The following FRMD4A variants were observed in gnomAD, a reference collection of about 807,000 sequenced individuals.
FRMD4A encodes FERM domain-containing protein 4A.
A neutral mutation model predicts 129.1 loss-of-function variants in FRMD4A; 29 were observed. The observed-to-expected ratio is 0.22, with a 90% CI of 0.17 to 0.31. The LOEUF (loss-of-function observed/expected upper bound fraction) is 0.31. FRMD4A is among the 10% of genes least tolerant of loss of function. The pLI is 1.00. For synonymous variants in FRMD4A, 634 were observed against 571.6 expected (o/e 1.11, Z -1.56); for missense variants, 1,272 against 1,375.8 (o/e 0.92, Z 1.19).
intron 2 of FRMD4A, among the ~76,000 whole-genome samples, chr10:14,170,688 T>A (rs1034934101): frequency 2.6e-5 from 4 of 152,210 alleles, no homozygotes; most frequent in African/African-American, 9.7e-5. Flanking sequence ...TTAATTTCCA[T>A]CCACTCTCTA....
At chr10:14,170,471 G>T (rs1182072758) in intron 2 of FRMD4A, among the ~76,000 whole-genome samples, 1 of 152,074 alleles carries the variant, frequency 6.6e-6, no homozygotes, top group South Asian at 2.1e-4. Flanking sequence ...CTCGAAAAAA[G>T]TATCTGAAGT....
chr10:13,714,040 A>ATATTTTATATAAAATATATATTT (rs1554859027), intron 12 of FRMD4A, among the ~76,000 whole-genome samples: 1 of 37,116 alleles, frequency 2.7e-5, no homozygotes, highest in East Asian at 1.3e-3. Flanking sequence ...ATATATATAT[A>ATATTTTATATAAAATATATATTT]TATATATATA....
At chr10:14,136,634 T>C (rs929131596) in intron 2 of FRMD4A, among the ~76,000 whole-genome samples, 4 of 152,188 alleles carry the variant, frequency 2.6e-5, no homozygotes, top group African/African-American at 4.8e-5. Flanking sequence ...TTGTCTCTTA[T>C]CTACCTATGA....
chr10:13,717,210 A>G (rs982376451), intron 12 of FRMD4A, among the ~76,000 whole-genome samples: 2 of 152,236 alleles, frequency 1.3e-5, no homozygotes, highest in Non-Finnish European at 2.9e-5. Flanking sequence ...GGAATTAATC[A>G]ATCTGAGAAA....
intron 2 of FRMD4A, among the ~76,000 whole-genome samples, chr10:13,995,547 T>A (rs1373268619): frequency 6.6e-6 from 1 of 152,200 alleles, no homozygotes. Context: ...ATTGTGCCAC[T>A]GCACTCCAGC....
chr10:14,169,084 C>T (rs1841340371), intron 2 of FRMD4A, among the ~76,000 whole-genome samples: 2 of 147,912 alleles, frequency 1.4e-5, no homozygotes. Context: ...CATACTCAAA[C>T]CTATTTCTGG....
intron 13 of FRMD4A, among the ~76,000 whole-genome samples, chr10:13,705,165 G>A (rs1311392547): frequency 6.6e-6 from 1 of 152,124 alleles, no homozygotes; most frequent in Admixed American, 6.5e-5. Context: ...TTCCTTCCCC[G>A]CCACAGCACC....
At chr10:14,055,997 C>T (rs1237737287) in intron 2 of FRMD4A, among the ~76,000 whole-genome samples, 3 of 152,132 alleles carry the variant, frequency 2.0e-5, no homozygotes, top group Non-Finnish European at 2.9e-5. Flanking sequence ...TGCAGTGGCG[C>T]GATCTCGGCT....
At chr10:13,904,444 G>T (rs888294931) in intron 2 of FRMD4A, among the ~76,000 whole-genome samples, 2 of 152,090 alleles carry the variant, frequency 1.3e-5, no homozygotes, top group African/African-American at 4.8e-5. Context: ...TAACCCATGC[G>T]CATCTCTATG....
At chr10:13,905,727 C>T (rs1022191278) in intron 2 of FRMD4A, among the ~76,000 whole-genome samples, 37 of 152,154 alleles carry the variant, frequency 2.4e-4, no homozygotes, top group African/African-American at 8.9e-4. Flanking sequence ...CACTAAGTAA[C>T]TTGCCAAAAG....
At chr10:13,770,404 C>T (rs1029597347) in intron 6 of FRMD4A, among the ~76,000 whole-genome samples, 4 of 152,078 alleles carry the variant, frequency 2.6e-5, no homozygotes, top group African/African-American at 4.8e-5. Context: ...CTCAAGGAAT[C>T]GTTCTTTTAT....
Position 13,701,229 on chromosome 10 carries a change from G to A in FRMD4A, c.975+111C>T, listed in dbSNP as rs145668410. Reference sequence around the variant, plus strand: ...AAGAGGCAAGCCTGTATCTGTGCAAGGTATGGACCCGGGCAAGGGACATGG... The same window carrying A: ...AAGAGGCAAGCCTGTATCTGTGCAAAGTATGGACCCGGGCAAGGGACATGG... On this transcript the variant is annotated intron_variant, in intron 14 of 24. Coordinates refer to ENST00000357447, the MANE Select transcript of FRMD4A (RefSeq NM_018027.5). The A allele has an allele frequency of 2.4e-4, 229 of 938,854 alleles. 2 individuals are homozygous for A. In the East Asian group the frequency reaches 4.7e-3, roughly 19 times the overall value. The allele number at this position is 938,854 out of a possible 1,614,324, so 58.2% of individuals were successfully genotyped here. A position where few individuals can be genotyped will look rare whatever the true frequency, so the allele number is the denominator to read the frequency against.
intron 2 of FRMD4A, among the ~76,000 whole-genome samples, chr10:13,918,986 G>T (rs1433356496): frequency 6.6e-6 from 1 of 152,110 alleles, no homozygotes; most frequent in Non-Finnish European, 1.5e-5. Context: ...GGCATCTGTG[G>T]TCTGGTGGCT....
intron 12 of FRMD4A, among the ~76,000 whole-genome samples, chr10:13,717,568 C>T (rs2088930892): frequency 6.6e-6 from 1 of 150,710 alleles, no homozygotes; most frequent in African/African-American, 2.4e-5. Flanking sequence ...CCTGCCTCAG[C>T]TTCCTAAAGT....
rs557210059 is a variant in FRMD4A at position 14,322,473 on chromosome 10, G to A, written c.45+7585C>T. On this transcript the variant is annotated intron_variant, in intron 2 of 24. Coordinates refer to ENST00000357447, the MANE Select transcript of FRMD4A (RefSeq NM_018027.5). ...GGACTTGCAGTTACTAGGAGCTTGG[G>A]GCAAGGCCTGAGTGAAAGACATGAT... is the stretch of plus-strand genomic sequence containing the variant. Among the ~76,000 whole-genome samples, 4 of 152,274 alleles carry A rather than the reference G, an allele frequency of 2.6e-5. No homozygotes were observed. The East Asian group carries it at 7.7e-4, about 29-fold the overall frequency.
intron 2 of FRMD4A, among the ~76,000 whole-genome samples, chr10:14,265,502 C>A (rs75873608): frequency 0.046 from 6,997 of 152,164 alleles, 198 homozygotes; most frequent in South Asian, 0.12. Flanking sequence ...AAAAGTAAAT[C>A]ATATGAATTT....
At chr10:13,861,301 C>T (rs1026327708) in intron 2 of FRMD4A, among the ~76,000 whole-genome samples, 3 of 152,188 alleles carry the variant, frequency 2.0e-5, no homozygotes, top group Non-Finnish European at 4.4e-5. Flanking sequence ...TCTGGTTCAA[C>T]AGGGATTATT....
At chr10:13,953,197 T>C (rs1245917396) in intron 2 of FRMD4A, among the ~76,000 whole-genome samples, 1 of 152,216 alleles carries the variant, frequency 6.6e-6, no homozygotes, top group Non-Finnish European at 1.5e-5. Flanking sequence ...CTCTTCCCCT[T>C]GTGAAACTCA....
Position 13,844,061 on chromosome 10 carries a change from T to G in FRMD4A, c.111+14786A>C, listed in dbSNP as rs559235659. ...AAGAGTTTAGAAATCTTTCTAAGATTTATGCATTGTATGTAGGAGAGTGTG... is the reference window on the plus strand; with the variant it reads ...AAGAGTTTAGAAATCTTTCTAAGATGTATGCATTGTATGTAGGAGAGTGTG... On this transcript the variant is annotated intron_variant, in intron 3 of 24. Coordinates refer to ENST00000357447, the MANE Select transcript of FRMD4A (RefSeq NM_018027.5). 2.9e-3 allele frequency among the ~76,000 whole-genome samples: 445 copies of G among 152,332 alleles called. 1 individual carries two copies. Among genetic ancestry groups the G allele is most frequent in the Middle Eastern group, 6.8e-3 (2 of 294 alleles).
Sources: allele counts gnomAD v4.1 joint callset (sites outside exome capture counted in the v4.1 genomes callset), GRCh38; gene constraint gnomAD v4.1.1; transcripts MANE v1.5; gene names NCBI Gene and HGNC (gene_info 2026-07-23, HGNC 2026-07-21).